The following PKNOX2 variants were observed in gnomAD, a reference collection of about 807,000 sequenced individuals.
PKNOX2 encodes the protein PBX/knotted 1 homeobox 2, also known as homeobox protein PKNOX2.
Under a neutral mutation model 53.1 loss-of-function variants are expected in PKNOX2, and 14 were observed. That is an observed-to-expected ratio of 0.26 (90% CI 0.17 to 0.41). The LOEUF is 0.41. Among genes scored for constraint, PKNOX2 ranks in the 10% least tolerant of loss-of-function variants. The pLI is 1.00. For synonymous variants in PKNOX2, 257 were observed against 242.8 expected, an observed-to-expected ratio of 1.06 and a Z score of -0.54; for missense variants, 496 against 602.8, an observed-to-expected ratio of 0.82 and a Z score of 1.85.
chr11:125,387,885 G>A (rs1324865838), intron 6 of PKNOX2, among the ~76,000 whole-genome samples: 1 of 152,158 alleles, frequency 6.6e-6, no homozygotes, highest in Non-Finnish European at 1.5e-5. Context: ...CTGTCTGTGT[G>A]ATTTGGATGA....
chr11:125,269,318 C>T (rs910174745), intron 2 of PKNOX2, among the ~76,000 whole-genome samples: 1 of 152,124 alleles, frequency 6.6e-6, no homozygotes. Context: ...GATGGAAATG[C>T]TCATTTTATT....
In PKNOX2 at chr11:125,428,997, C is replaced by G. The variant is rs754004498; in HGVS notation, c.937-15C>G. 4.4e-5 allele frequency: 71 copies of G among 1,608,734 alleles called. No homozygotes were observed. Among genetic ancestry groups the G allele is most frequent in the Non-Finnish European group, 6.0e-5 (70 of 1,175,220 alleles). Reference sequence around the variant, plus strand: ...CATATGCCCAGCCCTCACTAGTCTCCACCTCTCGTTTCAGCACCCCTACCC... The same window carrying G: ...CATATGCCCAGCCCTCACTAGTCTCGACCTCTCGTTTCAGCACCCCTACCC... On this transcript the variant is annotated splice_polypyrimidine_tract_variant and intron_variant, in intron 10 of 12. Coordinates refer to ENST00000298282, the MANE Select transcript of PKNOX2 (RefSeq NM_001382323.2).
intron 2 of PKNOX2, among the ~76,000 whole-genome samples, chr11:125,305,236 G>A (rs1244690773): frequency 1.3e-5 from 2 of 152,184 alleles, no homozygotes; most frequent in Non-Finnish European, 2.9e-5. Flanking sequence ...TTTTACAGTG[G>A]AGTCACAACC....
At chr11:125,337,971 G>A (rs1017127245) in intron 3 of PKNOX2, among the ~76,000 whole-genome samples, 1 of 152,146 alleles carries the variant, frequency 6.6e-6, no homozygotes, top group Non-Finnish European at 1.5e-5. Flanking sequence ...CTAGTGCCTG[G>A]AGTTCCCACT....
chr11:125,201,360 C>T (rs1439245522), intron 1 of PKNOX2, among the ~76,000 whole-genome samples: 2 of 146,806 alleles, frequency 1.4e-5, no homozygotes, highest in Non-Finnish European at 3.0e-5. Flanking sequence ...TGCATCCTTC[C>T]CAGATATTGC....
intron 1 of PKNOX2, among the ~76,000 whole-genome samples, chr11:125,185,676 G>T (rs1956408562): frequency 6.6e-6 from 1 of 152,086 alleles, no homozygotes; most frequent in Admixed American, 6.6e-5. Context: ...CCATTAACAT[G>T]TATCAGAATT....
chr11:125,272,709 GC>G (rs1945883222), intron 2 of PKNOX2, among the ~76,000 whole-genome samples: 1 of 152,166 alleles, frequency 6.6e-6, no homozygotes, highest in Admixed American at 6.5e-5. Flanking sequence ...AAGAGGAACA[GC>G]CGCCTTCTTT....
At chr11:125,392,242 C>T (rs1424410078) in intron 6 of PKNOX2, among the ~76,000 whole-genome samples, 1 of 152,184 alleles carries the variant, frequency 6.6e-6, no homozygotes, top group African/African-American at 2.4e-5. Flanking sequence ...TGAACATTAT[C>T]CCCATTTTAC....
intron 2 of PKNOX2, among the ~76,000 whole-genome samples, chr11:125,309,387 A>T (rs1948668165): frequency 1.5e-5 from 2 of 135,238 alleles, no homozygotes; most frequent in Non-Finnish European, 1.6e-5. Flanking sequence ...AACAGTACCA[A>T]TTTTTTTTTT....
rs1459778836 is a variant in PKNOX2, at chr11:125,386,865, C to T, written c.399+1143C>T. Among the ~76,000 whole-genome samples the T allele has an allele frequency of 2.2e-5, 3 of 138,210 alleles. 1 individual carries two copies. Among genetic ancestry groups the T allele is most frequent in the African/African-American group, 8.1e-5 (3 of 37,116 alleles). The allele number at this position is 138,210 out of a possible 152,430, so 90.7% of individuals were successfully genotyped here. ...GACTGTATGGAGTCCAGAAGAGCTG[C>T]CAGGAGAGCCCACCCTAGCCAGAAG... On this transcript the variant is annotated intron_variant, in intron 6 of 12. Transcript: ENST00000298282.
At chr11:125,273,065 G>A (rs934494527) in intron 2 of PKNOX2, among the ~76,000 whole-genome samples, 3 of 152,200 alleles carry the variant, frequency 2.0e-5, no homozygotes, top group Non-Finnish European at 4.4e-5. Flanking sequence ...CTAAAAGCCC[G>A]CCCAGTCCAG....
intron 1 of PKNOX2, among the ~76,000 whole-genome samples, chr11:125,209,404 T>C (rs953386554): frequency 3.9e-5 from 6 of 151,948 alleles, no homozygotes; most frequent in African/African-American, 1.4e-4. Context: ...CATACACATG[T>C]GCGCGCACAC....
At chr11:125,192,817 C>G (rs1195890541) in intron 1 of PKNOX2, among the ~76,000 whole-genome samples, 1 of 152,090 alleles carries the variant, frequency 6.6e-6, no homozygotes, top group Non-Finnish European at 1.5e-5. Flanking sequence ...CACGGCCAGC[C>G]AGGTCGAGGG....
chr11:125,372,740 C>A (rs1353377573), intron 5 of PKNOX2, among the ~76,000 whole-genome samples: 4 of 152,192 alleles, frequency 2.6e-5, no homozygotes, highest in African/African-American at 7.2e-5. Flanking sequence ...TGCTTCAAAC[C>A]ATTCTTCTGC....
intron 10 of PKNOX2, among the ~76,000 whole-genome samples, chr11:125,412,801 C>T (rs11220052): frequency 0.018 from 2,666 of 152,238 alleles, 77 homozygotes; most frequent in African/African-American, 0.059. Flanking sequence ...TGGGAAGAAT[C>T]AGGAGGAAGA....
intron 10 of PKNOX2, among the ~76,000 whole-genome samples, chr11:125,425,880 T>C (rs1956386453): frequency 6.7e-6 from 1 of 148,636 alleles, no homozygotes; most frequent in Non-Finnish European, 1.5e-5. Flanking sequence ...ACGCTGCTAC[T>C]TACCCCACAG....
intron 1 of PKNOX2, among the ~76,000 whole-genome samples, chr11:125,212,621 A>AC (rs1168681813): frequency 6.6e-6 from 1 of 151,708 alleles, no homozygotes; most frequent in Non-Finnish European, 1.5e-5. Context: ...ACTACACTGA[A>AC]CAGAGAGGGA....
At chr11:125,369,003 T>C (rs11220036) in intron 5 of PKNOX2, among the ~76,000 whole-genome samples, 10,133 of 152,278 alleles carry the variant, frequency 0.067, 412 homozygotes, top group East Asian at 0.15. Flanking sequence ...GCCAGTAACA[T>C]GTGGAATGAT....
At chr11:125,323,643 T>G (rs1002971439) in intron 2 of PKNOX2, among the ~76,000 whole-genome samples, 1 of 152,188 alleles carries the variant, frequency 6.6e-6, no homozygotes, top group Non-Finnish European at 1.5e-5. Context: ...CGTTCCTTAA[T>G]AACGAAAATT....
Sources: gnomAD v4.1 joint callset for allele counts (sites outside exome capture counted in the v4.1 genomes callset) on GRCh38, gnomAD v4.1.1 for gene constraint, MANE v1.5 for transcripts, NCBI Gene and HGNC (gene_info 2026-07-23, HGNC 2026-07-21) for gene names.